CEP162: variants seen among roughly 807,000 people sequenced by gnomAD.
CEP162 encodes the protein centrosomal protein of 162 kDa.
CEP162 carries 141 observed loss-of-function variants against 169.2 expected under a neutral mutation model. The ratio of observed to expected loss-of-function variants is 0.83; its 90% CI spans 0.73 to 0.96. The LOEUF is 0.96. Ranked by LOEUF, CEP162 falls within the 40% of genes least tolerant of loss-of-function variation. The probability of loss-of-function intolerance (pLI) is 0.00; values close to 1 mark genes in which losing one functional copy is unlikely to be tolerated. For missense variants in CEP162, 1,600 were observed against 1,587.2 expected (o/e 1.01, Z -0.14); for synonymous variants, 540 against 526.4 (o/e 1.03, Z -0.35).
chr6:84,194,874 A>T lies in CEP162; in HGVS notation c.1027+10T>A, dbSNP rs1163061757. On this transcript the variant is annotated intron_variant, in intron 10 of 26. Transcript: ENST00000403245. ...TCAAATAATTGAAAAATTCATCTGT[A>T]AGTTTTTACCAGATTCCATAGTAGA... The T allele has an allele frequency of 6.4e-7, 1 of 1,565,944 alleles. No homozygotes were observed. Among genetic ancestry groups the T allele is most frequent in the Non-Finnish European group, 8.7e-7 (1 of 1,147,264 alleles).
At chr6:84,144,825 CTTAGAGCAAT>C (rs1418110850) in intron 25 of CEP162, among the ~76,000 whole-genome samples, 3 of 152,102 alleles carry the variant, frequency 2.0e-5, no homozygotes, top group Admixed American at 6.6e-5. Context: ...CTATCCATAG[CTTAGAGCAAT>C]TTGGTAAATT....
intron 25 of CEP162, among the ~76,000 whole-genome samples, chr6:84,132,044 C>CA (rs1485477876): frequency 6.6e-6 from 1 of 152,168 alleles, no homozygotes; most frequent in African/African-American, 2.4e-5. Context: ...CTGGTGGTGA[C>CA]AAAATCTCTC....
intron 2 of CEP162, among the ~76,000 whole-genome samples, chr6:84,224,762 A>G (rs2099555061): frequency 6.6e-6 from 1 of 152,178 alleles, no homozygotes; most frequent in African/African-American, 2.4e-5. Flanking sequence ...GGGTGGGGGA[A>G]GGAGAGTGTT....
chr6:84,180,682 G>A (rs1252253534), intron 13 of CEP162, among the ~76,000 whole-genome samples: 1 of 151,772 alleles, frequency 6.6e-6, no homozygotes, highest in Non-Finnish European at 1.5e-5. Context: ...AAAATCACAA[G>A]CATTCTTATA....
chr6:84,141,793 C>T (rs1272165442), intron 25 of CEP162, among the ~76,000 whole-genome samples: 1 of 152,152 alleles, frequency 6.6e-6, no homozygotes, highest in African/African-American at 2.4e-5. Context: ...CTTTCCAGAG[C>T]TCCATCATCA....
chr6:84,174,139 C>T lies in CEP162; in HGVS notation c.2075G>A (p.Gly692Glu), dbSNP rs114370214. Residue 692 changes from glycine (G) to glutamate (E), a missense_variant, in exon 16 of 27, where the codon GGA becomes GAA. Coordinates refer to ENST00000403245, the MANE Select transcript of CEP162 (RefSeq NM_014895.4). ...TCCAGTGACAGGATCAGCTGCTTCT[C>T]CAAAATGTAACCACCTTTGTTTTTT... ...TNKKQRWLHF[G>E]EAADPVTGEK... is the part of the protein sequence containing the mutation. 1,087 of 1,609,994 alleles carry T rather than the reference C, an allele frequency of 6.8e-4. 8 individuals carry two copies. In the African/African-American group the frequency reaches 0.013, roughly 20 times the overall value.
chr6:84,125,196 C>CT lies in CEP162; in HGVS notation c.4085dup (p.Asn1363GlufsTer3). Reference sequence around the variant, plus strand: ...TGCGGAACTTCTCCAGCTCACGATTCTTTAACTGTGCCAGTCTTTTCCATT... The same window carrying CT: ...TGCGGAACTTCTCCAGCTCACGATTCTTTTAACTGTGCCAGTCTTTTCCATT... On this transcript the variant is annotated frameshift_variant, in exon 27 of 27. Coordinates refer to ENST00000403245, the MANE Select transcript of CEP162 (RefSeq NM_014895.4). LOFTEE classifies it high-confidence loss of function. The CT allele has an allele frequency of 6.2e-7, 1 of 1,613,664 alleles. No individual in the cohort carries two copies. The highest frequency in any genetic ancestry group is 8.5e-7 in the Non-Finnish European group (1 of 1,179,694).
At chr6:84,220,167 G>C (rs925108855) in intron 3 of CEP162, among the ~76,000 whole-genome samples, 22 of 152,242 alleles carry the variant, frequency 1.4e-4, no homozygotes, top group African/African-American at 5.3e-4. Context: ...ATTTTCATGG[G>C]GAGGGGGGGA....
In CEP162 at chr6:84,211,658, T is replaced by G. The variant is rs1447436151; in HGVS notation, c.571+1299A>C. ...CAGTGAAGCACAGAAAGAAAAAAAG[T>G]TTTTAAAAAATGGAATAGTCTTAGT... On this transcript the variant is annotated intron_variant, in intron 6 of 26. Transcript: ENST00000403245. Among the ~76,000 whole-genome samples, 5 of 150,846 alleles carry G rather than the reference T, an allele frequency of 3.3e-5. No individual in the cohort carries two copies. The South Asian group carries it at 8.3e-4, about 25-fold the overall frequency.
At chr6:84,135,069 GTATT>G (rs1186909009) in intron 25 of CEP162, among the ~76,000 whole-genome samples, 3 of 151,810 alleles carry the variant, frequency 2.0e-5, no homozygotes, top group South Asian at 4.1e-4. Flanking sequence ...CACAATATTT[GTATT>G]TATTTATGAA....
chr6:84,212,812 C>G (rs538937121), intron 6 of CEP162, 145 bp downstream of exon 6: 2 of 544,376 alleles, frequency 3.7e-6, no homozygotes, highest in Admixed American at 3.3e-5. Flanking sequence ...TTCTTAGCAG[C>G]TCAGTTTATA....
At position 84,152,894 on chromosome 6, in the gene CEP162, GTTC is replaced by G; in HGVS notation, c.3277_3279del (p.Glu1093del). On this transcript the variant is annotated inframe_deletion, in exon 23 of 27. Transcript: ENST00000403245. ...TGTATTTCTCTCTTTTTTGCAGCCA[GTTC>G]TTCATTGAGTCTTACTAATTTAGCT... is the stretch of plus-strand genomic sequence containing the variant. The G allele has an allele frequency of 6.2e-7, 1 of 1,613,612 alleles. No individual in the cohort carries two copies. The highest frequency in any genetic ancestry group is 8.5e-7 in the Non-Finnish European group (1 of 1,179,754).
At position 84,213,207 on chromosome 6, in the gene CEP162, C is replaced by A. The variant is rs1012051652; in HGVS notation, c.504-183G>T. Among the ~76,000 whole-genome samples the A allele has an allele frequency of 2.6e-5, 4 of 152,078 alleles. No homozygotes were observed. The South Asian group carries it at 8.3e-4, about 32-fold the overall frequency. ...AAACGTTTTGAAAATAAAGCATCTT[C>A]GAAGCATTTGATTAATTGCAGTTTA... On this transcript the variant is annotated intron_variant, in intron 5 of 26. Transcript: ENST00000403245.
chr6:84,126,851 TA>T (rs1377456297), intron 25 of CEP162, among the ~76,000 whole-genome samples: 1 of 152,172 alleles, frequency 6.6e-6, no homozygotes, highest in Non-Finnish European at 1.5e-5. Flanking sequence ...TTTCAGAATT[TA>T]AAAAAGTACA....
chr6:84,204,410 C>G (rs1300052709), intron 6 of CEP162, among the ~76,000 whole-genome samples: 1 of 152,174 alleles, frequency 6.6e-6, no homozygotes, highest in Non-Finnish European at 1.5e-5. Context: ...AATTAGAACT[C>G]AGGATTGAGA....
intron 3 of CEP162, among the ~76,000 whole-genome samples, chr6:84,219,783 G>A (rs1251538765): frequency 6.6e-6 from 1 of 152,142 alleles, no homozygotes; most frequent in East Asian, 1.9e-4. Flanking sequence ...GGGGATACAA[G>A]GACAAAGAAG....
chr6:84,189,691 C>G (rs559728321), intron 11 of CEP162, among the ~76,000 whole-genome samples: 3 of 152,236 alleles, frequency 2.0e-5, no homozygotes, highest in Admixed American at 6.5e-5. Context: ...GCCTCCCCGA[C>G]GAGCACCACC....
At position 84,213,000 on chromosome 6, in the gene CEP162, A is replaced by G. The variant is rs1288590413; in HGVS notation, c.528T>C (p.Thr176=). Residue 176 remains threonine, a synonymous_variant, in exon 6 of 27, where the codon ACT becomes ACC. Coordinates refer to ENST00000403245, the MANE Select transcript of CEP162 (RefSeq NM_014895.4). ...TCGATTCATTCTCATGTTCGTCATC[A>G]GTTAGTTCTGCGTTGGCTTGATTAC... is the stretch of plus-strand genomic sequence containing the variant. ...LHSNQANAEL[T]DDEHENESKH... is the part of the protein sequence containing the mutation. 1.9e-6 allele frequency: 3 copies of G among 1,554,712 alleles called. No individual in the cohort carries two copies. The highest frequency in any genetic ancestry group is 2.6e-6 in the Non-Finnish European group (3 of 1,146,836).
intron 3 of CEP162, chr6:84,217,825 G>A (rs1296929882): frequency 6.6e-6 from 1 of 152,172 alleles, no homozygotes; most frequent in Non-Finnish European, 1.5e-5. Context: ...AAATCTTTGA[G>A]GAATGAGGAG....
Sources: gnomAD v4.1 joint callset for allele counts (sites outside exome capture counted in the v4.1 genomes callset) on GRCh38, gnomAD v4.1.1 for gene constraint, MANE v1.5 for transcripts, NCBI Gene and HGNC (gene_info 2026-07-23, HGNC 2026-07-21) for gene names.